The following DNAJB6 variants were observed in gnomAD, a reference collection of about 807,000 sequenced individuals.
DNAJB6 encodes DnaJ heat shock protein family (Hsp40) member B6.
In DNAJB6, 16 loss-of-function variants were observed where a neutral mutation model predicts 42.7. That is an observed-to-expected ratio of 0.37 (90% confidence interval 0.25 to 0.57). DNAJB6 has a LOEUF of 0.57. Ranked by LOEUF, DNAJB6 falls within the 20% of genes least tolerant of loss-of-function variation. The pLI is 0.74. For synonymous variants in DNAJB6, 170 were observed against 163.5 expected, an observed-to-expected ratio of 1.04 and a Z score of -0.30; for missense variants, 347 against 416.8, an observed-to-expected ratio of 0.83 and a Z score of 1.46.
intron 8 of DNAJB6, among the ~76,000 whole-genome samples, chr7:157,404,968 C>T (rs1465986809): frequency 6.6e-6 from 1 of 152,192 alleles, no homozygotes; most frequent in Non-Finnish European, 1.5e-5. Context: ...ATTGGTGTAA[C>T]AGTAACTTGT....
chr7:157,355,395 C>G (rs1584891515), intron 1 of DNAJB6, among the ~76,000 whole-genome samples: 1 of 152,146 alleles, frequency 6.6e-6, no homozygotes, highest in Admixed American at 6.5e-5. Flanking sequence ...CTCCTGACCT[C>G]GTGATCTGCC....
intron 1 of DNAJB6, among the ~76,000 whole-genome samples, chr7:157,347,491 G>A (rs542240119): frequency 7.9e-5 from 12 of 152,092 alleles, no homozygotes; most frequent in East Asian, 3.9e-4. Flanking sequence ...TTAGGTGCAC[G>A]TGACTGTGCT....
At chr7:157,373,275 C>T (rs1163270268) in intron 5 of DNAJB6, among the ~76,000 whole-genome samples, 3 of 152,134 alleles carry the variant, frequency 2.0e-5, no homozygotes, top group Non-Finnish European at 4.4e-5. Context: ...GATTTTTGTG[C>T]TAGTCTTTGA....
At chr7:157,376,942 G>A (rs945118895) in intron 5 of DNAJB6, among the ~76,000 whole-genome samples, 1 of 152,188 alleles carries the variant, frequency 6.6e-6, no homozygotes. Flanking sequence ...ACAGCTCAAA[G>A]CAGGGGGGCT....
intron 8 of DNAJB6, among the ~76,000 whole-genome samples, chr7:157,388,768 C>A (rs1445170166): frequency 6.6e-6 from 1 of 152,056 alleles, no homozygotes; most frequent in African/African-American, 2.4e-5. Context: ...GTTTGGCATC[C>A]TTTTGTCTGG....
In DNAJB6 at chr7:157,387,525, T is replaced by C. The variant is rs1220843369; in HGVS notation, c.691+1914T>C. The stretch of plus-strand genomic sequence containing the variant: ...TAAGGCGTTTTATATTTTTCATTAG[T>C]GGGTGGGATGAGTCAGTGCAGCAGC... On this transcript the variant is annotated intron_variant, in intron 8 of 9. Transcript: ENST00000262177. Among the ~76,000 whole-genome samples the C allele has an allele frequency of 2.0e-5, 3 of 152,194 alleles. No individual in the cohort carries two copies. In the East Asian group the frequency reaches 5.8e-4, roughly 29 times the overall value.
At chr7:157,393,587 C>T (rs1801448287) in intron 8 of DNAJB6, among the ~76,000 whole-genome samples, 1 of 152,160 alleles carries the variant, frequency 6.6e-6, no homozygotes, top group African/African-American at 2.4e-5. Context: ...AGTTGGGAGC[C>T]GTCCATGCCC....
At chr7:157,350,698 A>T (rs7455953) in intron 1 of DNAJB6, among the ~76,000 whole-genome samples, 28 of 147,620 alleles carry the variant, frequency 1.9e-4, no homozygotes, top group Admixed American at 2.7e-4. Flanking sequence ...TTTTTTTTTT[A>T]TTTTTTTTTG....
intron 1 of DNAJB6, among the ~76,000 whole-genome samples, chr7:157,342,228 C>T (rs1584872593): frequency 6.6e-6 from 1 of 151,296 alleles, no homozygotes; most frequent in Non-Finnish European, 1.5e-5. Flanking sequence ...AGTGCAGTGG[C>T]GTGATCTCAG....
At chr7:157,363,734 T>A (rs11980296) in intron 3 of DNAJB6, among the ~76,000 whole-genome samples, 1,672 of 152,280 alleles carry the variant, frequency 0.011, 14 homozygotes, top group Non-Finnish European at 0.018. Flanking sequence ...AGCTAAAATT[T>A]AGATTTCCAG....
intron 5 of DNAJB6, among the ~76,000 whole-genome samples, chr7:157,376,908 A>G (rs937705714): frequency 3.3e-5 from 5 of 152,018 alleles, no homozygotes; most frequent in Non-Finnish European, 7.4e-5. Context: ...AAAGAAATAC[A>G]TTGTTTTGGC....
chr7:157,411,959 G>A (rs1193320306), intron 9 of DNAJB6: 1 of 152,252 alleles, frequency 6.6e-6, no homozygotes, highest in African/African-American at 2.4e-5. Context: ...AAAGAGGCCA[G>A]TGATGGCTTT....
At chr7:157,367,138 A>T (rs1799883519) in intron 4 of DNAJB6, among the ~76,000 whole-genome samples, 1 of 152,202 alleles carries the variant, frequency 6.6e-6, no homozygotes, top group Non-Finnish European at 1.5e-5. Context: ...ACGGATTTAG[A>T]GATGGTGAAA....
intron 1 of DNAJB6, chr7:157,337,721 G>A (rs976674231): frequency 2.0e-5 from 3 of 152,244 alleles, no homozygotes; most frequent in African/African-American, 7.2e-5. Flanking sequence ...CAGAATGTTT[G>A]TCTGCTTTGC....
chr7:157,397,138 C>T (rs538478300), intron 8 of DNAJB6, among the ~76,000 whole-genome samples: 103 of 152,204 alleles, frequency 6.8e-4, no homozygotes, highest in Non-Finnish European at 1.2e-3. Context: ...CTGCGAGGCC[C>T]GTGTGAAGCC....
At chr7:157,343,446 C>G (rs553265329) in intron 1 of DNAJB6, among the ~76,000 whole-genome samples, 1 of 151,900 alleles carries the variant, frequency 6.6e-6, no homozygotes, top group Admixed American at 6.6e-5. Flanking sequence ...TGAGCCACCT[C>G]ACCTGGCCTC....
Position 157,355,668 on chromosome 7 carries a change from C to T in DNAJB6, c.-26-2879C>T, listed in dbSNP as rs114209317. ...GATGAGTCCAGGCAAGGAAGTGGAGCGGCTAAGGGTAAGCAGTGCAGGAGG... is the reference window on the plus strand; with the variant it reads ...GATGAGTCCAGGCAAGGAAGTGGAGTGGCTAAGGGTAAGCAGTGCAGGAGG... On this transcript the variant is annotated intron_variant, in intron 1 of 9. Transcript: ENST00000262177. Among the ~76,000 whole-genome samples, 820 of 152,254 alleles carry T rather than the reference C, an allele frequency of 5.4e-3. 12 individuals carry two copies. Among genetic ancestry groups the T allele is most frequent in the African/African-American group, 0.018 (755 of 41,542 alleles).
At chr7:157,391,122 C>T (rs1294219630) in intron 8 of DNAJB6, among the ~76,000 whole-genome samples, 1 of 152,178 alleles carries the variant, frequency 6.6e-6, no homozygotes, top group South Asian at 2.1e-4. Flanking sequence ...AGACATGAGC[C>T]CCCACTCCCA....
intron 9 of DNAJB6, chr7:157,414,192 C>T (rs1453376475): frequency 6.6e-6 from 1 of 152,336 alleles, no homozygotes; most frequent in Non-Finnish European, 1.5e-5. Context: ...TAAAGGAGCT[C>T]CGTTACTCCC....
Sources: gnomAD v4.1 joint callset for allele counts (sites outside exome capture counted in the v4.1 genomes callset) on GRCh38, gnomAD v4.1.1 for gene constraint, MANE v1.5 for transcripts, NCBI Gene and HGNC (gene_info 2026-07-23, HGNC 2026-07-21) for gene names.